Variants in DNM1L observed in about 807,000 individuals in gnomAD.
DNM1L encodes dynamin 1L, also known as dynamin-1-like protein.
Under a neutral mutation model 92.8 loss-of-function variants are expected in DNM1L, and 33 were observed. The observed-to-expected ratio is 0.36, with a 90% confidence interval of 0.27 to 0.48. The LOEUF is 0.48. Among genes scored for constraint, DNM1L ranks in the 20% least tolerant of loss-of-function variants. The probability of loss-of-function intolerance (pLI) is 0.99; values close to 1 mark genes in which losing one functional copy is unlikely to be tolerated. For synonymous variants in DNM1L, 284 were observed against 305.0 expected, an observed-to-expected ratio of 0.93 and a Z score of 0.72; for missense variants, 485 against 888.8, an observed-to-expected ratio of 0.55 and a Z score of 5.78.
At position 32,691,964 on chromosome 12, in the gene DNM1L, AG is replaced by A. The variant is rs930051062; in HGVS notation, c.103-9449del. On this transcript the variant is annotated intron_variant, in intron 1 of 19. Transcript: ENST00000549701. ...AAGCTTCTAAATTGAAATAGGAGGG[AG>A]GAAAAAAAAAAGCTTTCTTAAACGG... Among the ~76,000 whole-genome samples, 13 of 151,764 alleles carry A rather than the reference AG, an allele frequency of 8.6e-5. No homozygotes were observed. In the East Asian group the frequency reaches 1.4e-3, roughly 16 times the overall value.
chr12:32,726,750 A>C, intron 9 of DNM1L: 1 of 617,918 alleles, frequency 1.6e-6, no homozygotes, highest in South Asian at 2.0e-5. Flanking sequence ...TTTCAAAATG[A>C]CATTCTTTCC....
At chr12:32,700,811 A>G (rs945655973) in intron 1 of DNM1L, among the ~76,000 whole-genome samples, 1 of 152,150 alleles carries the variant, frequency 6.6e-6, no homozygotes, top group Admixed American at 6.5e-5. Flanking sequence ...CAGTAAAACA[A>G]CTACATATTA....
At chr12:32,732,501 G>T in intron 12 of DNM1L, 1 of 455,706 alleles carries the variant, frequency 2.2e-6, no homozygotes, top group South Asian at 1.6e-5. Flanking sequence ...TGTTGGCTGG[G>T]TTTTTTGTTT....
In DNM1L at chr12:32,679,352, G is replaced by A. The variant is rs761652857; in HGVS notation, c.-12G>A. ...TGGCCGGCGGGCACTGGGGCCCCGT[G>A]TTTTCAGAGTCATGGAGGCGCTAAT... On this transcript the variant is annotated 5_prime_UTR_variant, in exon 1 of 20. Transcript: ENST00000549701. 7.5e-6 allele frequency: 12 copies of A among 1,608,996 alleles called. No individual in the cohort carries two copies. The highest frequency in any genetic ancestry group is 1.6e-4 in the Middle Eastern group (1 of 6,068).
At chr12:32,681,963 C>T (rs1175012419) in intron 1 of DNM1L, among the ~76,000 whole-genome samples, 1 of 151,898 alleles carries the variant, frequency 6.6e-6, no homozygotes, top group Non-Finnish European at 1.5e-5. Context: ...GATGGCACTC[C>T]AGCCTGGGCG....
At chr12:32,679,561 C>G (rs554801764) in intron 1 of DNM1L, 96 bp downstream of exon 1, 1 of 1,478,772 alleles carries the variant, frequency 6.8e-7, no homozygotes, top group East Asian at 2.4e-5. Flanking sequence ...CGCCCACTCC[C>G]GCGCCAGCCT....
At chr12:32,725,026 A>G (rs1238640502) in intron 9 of DNM1L, among the ~76,000 whole-genome samples, 2 of 152,074 alleles carry the variant, frequency 1.3e-5, no homozygotes, top group African/African-American at 2.4e-5. Context: ...TCTACCCCAA[A>G]GAAAATGAAC....
In DNM1L at chr12:32,740,081, T is replaced by C. The variant is rs757140716; in HGVS notation, c.1725T>C (p.Gly575=). Residue 575 remains glycine, a synonymous_variant, in exon 17 of 20, where the codon GGT becomes GGC. Coordinates refer to ENST00000549701, the MANE Select transcript of DNM1L (RefSeq NM_012062.5). ...RETKNVASGG[G]GVGDGVQEPT... is the part of the protein sequence containing the mutation. ...TTTTTCAGGTTGCATCTGGAGGTGG[T>C]GGGGTTGGAGATGGTGTTCAAGAAC... 4.3e-6 allele frequency: 7 copies of C among 1,614,140 alleles called. No individual in the cohort carries two copies. The highest frequency in any genetic ancestry group is 8.5e-7 in the Non-Finnish European group (1 of 1,180,008).
At chr12:32,730,001 A>G (rs1036167740) in intron 9 of DNM1L, among the ~76,000 whole-genome samples, 6 of 152,212 alleles carry the variant, frequency 3.9e-5, no homozygotes, top group African/African-American at 1.4e-4. Context: ...TTAAAAAAAG[A>G]TAATACCAGG....
intron 9 of DNM1L, chr12:32,728,645 A>G (rs534321572): frequency 1.3e-5 from 2 of 152,360 alleles, no homozygotes; most frequent in East Asian, 3.9e-4. Flanking sequence ...GGCTCTGAAT[A>G]GAATTTGAGA....
At position 32,701,516 on chromosome 12, in the gene DNM1L, C is replaced by A; in HGVS notation, c.204C>A (p.Val68=). Residue 68 remains valine, a synonymous_variant, in exon 2 of 20, where the codon GTC becomes GTA. Coordinates refer to ENST00000549701, the MANE Select transcript of DNM1L (RefSeq NM_012062.5). The part of the protein sequence containing the change: ...VTRRPLILQL[V]HVSQEDKRKT... ...GGAGACCTCTCATTCTGCAACTGGTCCATGTTTCACAAGAAGATAAACGGA... is the reference window on the plus strand; with the variant it reads ...GGAGACCTCTCATTCTGCAACTGGTACATGTTTCACAAGAAGATAAACGGA... 6.2e-7 allele frequency: 1 copy of A among 1,613,714 alleles called. No homozygotes were observed. Among genetic ancestry groups the A allele is most frequent in the African/African-American group, 1.3e-5 (1 of 74,924 alleles).
chr12:32,714,149 GT>G (rs1164677642), intron 6 of DNM1L, among the ~76,000 whole-genome samples: 2 of 152,040 alleles, frequency 1.3e-5, no homozygotes, highest in African/African-American at 4.8e-5. Context: ...GGGTCTGAAG[GT>G]TGTGTCATGT....
At position 32,745,580 on chromosome 12, in the gene DNM1L, T is replaced by C. The variant is rs1955593671; in HGVS notation, c.*2170T>C. 6.6e-6 allele frequency: 1 copy of C among 152,372 alleles called. No homozygotes were observed. Among genetic ancestry groups the C allele is most frequent in the Non-Finnish European group, 1.5e-5 (1 of 68,182 alleles). 9.4% of individuals were successfully genotyped at this position (152,372 alleles called of 1,614,324 possible). Reference sequence around the variant, plus strand: ...TTGTCAAAAAATGAATTCTTAACTTTTCTCCCAGAGAAAGGGAGACAAAAG... The same window carrying C: ...TTGTCAAAAAATGAATTCTTAACTTCTCTCCCAGAGAAAGGGAGACAAAAG... On this transcript the variant is annotated 3_prime_UTR_variant, in exon 20 of 20. Coordinates refer to ENST00000549701, the MANE Select transcript of DNM1L (RefSeq NM_012062.5).
chr12:32,718,587 T>C, intron 6 of DNM1L, 56 bp from the exon 7 acceptor site: 1 of 1,609,964 alleles, frequency 6.2e-7, no homozygotes, highest in Non-Finnish European at 8.5e-7. Flanking sequence ...AATAGTTGTA[T>C]TTAATGGATC....
At chr12:32,717,028 C>G (rs1224190407) in intron 6 of DNM1L, among the ~76,000 whole-genome samples, 1 of 140,676 alleles carries the variant, frequency 7.1e-6, no homozygotes, top group Non-Finnish European at 1.5e-5. Context: ...GCATAGTGTA[C>G]AATTTTACCT....
chr12:32,732,573 G>T, intron 12 of DNM1L: 2 of 455,890 alleles, frequency 4.4e-6, no homozygotes, highest in South Asian at 3.1e-5. Flanking sequence ...GGTGAACCCC[G>T]TGGAGGTTTA....
Position 32,740,426 on chromosome 12 carries a change from A to G in DNM1L, c.1902A>G (p.Arg634=), listed in dbSNP as rs779451470. Residue 634 remains arginine, a synonymous_variant, in exon 18 of 20, where the codon CGA becomes CGG. Coordinates refer to ENST00000549701, the MANE Select transcript of DNM1L (RefSeq NM_012062.5). The part of the protein sequence containing the change: ...NLLDVPVPVA[R]KLSAREQRDC... ...CTATTTAGCCAGTTCCTGTTGCACG[A>G]AAACTATCTGCTCGGGAACAGCGAG... is the stretch of plus-strand genomic sequence containing the variant. 5 of 1,614,086 alleles carry G rather than the reference A, an allele frequency of 3.1e-6. No homozygotes were observed. The highest frequency in any genetic ancestry group is 4.2e-6 in the Non-Finnish European group (5 of 1,179,950).
intron 9 of DNM1L, among the ~76,000 whole-genome samples, chr12:32,729,768 T>C (rs1403046763): frequency 6.6e-6 from 1 of 152,198 alleles, no homozygotes; most frequent in Non-Finnish European, 1.5e-5. Flanking sequence ...CCGAATTTAC[T>C]TTCTGTCTCT....
chr12:32,710,134 G>A (rs1953069675), intron 4 of DNM1L, among the ~76,000 whole-genome samples: 1 of 152,010 alleles, frequency 6.6e-6, no homozygotes, highest in Non-Finnish European at 1.5e-5. Flanking sequence ...AGAGGAGGGA[G>A]CCTACGCAGT....
Sources: gnomAD v4.1 joint callset for allele counts (sites outside exome capture counted in the v4.1 genomes callset) on GRCh38, gnomAD v4.1.1 for gene constraint, MANE v1.5 for transcripts, NCBI Gene and HGNC (gene_info 2026-07-23, HGNC 2026-07-21) for gene names.